The following PLPP1 variants were observed in gnomAD, a reference collection of about 807,000 sequenced individuals.
PLPP1 encodes the protein lipid phosphate phosphohydrolase 1a.
A neutral mutation model predicts 31.2 loss-of-function variants in PLPP1; 24 were observed. That is an observed-to-expected ratio of 0.77 (90% CI 0.56 to 1.08). The LOEUF (loss-of-function observed/expected upper bound fraction) is 1.08. Among genes scored for constraint, PLPP1 ranks in the 50% least tolerant of loss-of-function variants. The pLI is 0.00. For synonymous variants in PLPP1, 146 were observed against 126.3 expected (o/e 1.16, Z -1.05); for missense variants, 319 against 342.7 (o/e 0.93, Z 0.55).
chr5:55,469,562 G>T (rs1752377983), intron 2 of PLPP1, among the ~76,000 whole-genome samples: 1 of 151,166 alleles, frequency 6.6e-6, no homozygotes, highest in Non-Finnish European at 1.5e-5. Context: ...CAGTGGGTTT[G>T]CTAATCTGTG....
At chr5:55,429,250 C>G (rs1751285500) in intron 4 of PLPP1, among the ~76,000 whole-genome samples, 2 of 131,844 alleles carry the variant, frequency 1.5e-5, no homozygotes, top group African/African-American at 2.7e-5. Flanking sequence ...GGAGTGGTTT[C>G]AAGATGGCTG....
At chr5:55,484,245 C>T (rs1469027575) in intron 1 of PLPP1, among the ~76,000 whole-genome samples, 1 of 152,150 alleles carries the variant, frequency 6.6e-6, no homozygotes, top group East Asian at 1.9e-4. Context: ...TAACAAGAAT[C>T]TCCTACCTTT....
chr5:55,510,246 G>A (rs973588834), intron 1 of PLPP1, among the ~76,000 whole-genome samples: 2 of 152,188 alleles, frequency 1.3e-5, no homozygotes, highest in Admixed American at 1.3e-4. Context: ...AACGCATTAT[G>A]CTATGTGAAA....
chr5:55,524,808 C>A (rs936670631), intron 1 of PLPP1, among the ~76,000 whole-genome samples: 12 of 151,682 alleles, frequency 7.9e-5, no homozygotes, highest in Admixed American at 7.9e-4. Flanking sequence ...GAAACTACGT[C>A]CCCCCCCAAA....
At chr5:55,534,314 T>C (rs2292282) in intron 1 of PLPP1, among the ~76,000 whole-genome samples, 128,831 of 152,128 alleles carry the variant, frequency 0.85, 54,908 homozygotes, top group South Asian at 0.92. Context: ...AGGAGCAAGG[T>C]ATGGAGCGCA....
intron 1 of PLPP1, among the ~76,000 whole-genome samples, chr5:55,478,738 G>A (rs7706709): frequency 0.86 from 130,924 of 152,090 alleles, 56,760 homozygotes; most frequent in South Asian, 0.92. Context: ...TCAGAAAGAG[G>A]GGGCATACAG....
chr5:55,426,864 TC>T (rs1299471098), intron 4 of PLPP1, among the ~76,000 whole-genome samples: 14 of 152,184 alleles, frequency 9.2e-5, no homozygotes, highest in Non-Finnish European at 2.1e-4. Flanking sequence ...GACTAAATAA[TC>T]TGTATTTGCA....
chr5:55,512,492 GAAAGA>G (rs1182450936), intron 1 of PLPP1, among the ~76,000 whole-genome samples: 5 of 9,106 alleles, frequency 5.5e-4, no homozygotes, highest in African/African-American at 1.5e-3. Flanking sequence ...AAGAAAGAAA[GAAAGA>G]AAAGAAAAGA....
At chr5:55,487,051 C>T (rs556043377) in intron 1 of PLPP1, among the ~76,000 whole-genome samples, 1 of 152,060 alleles carries the variant, frequency 6.6e-6, no homozygotes, top group Non-Finnish European at 1.5e-5. Flanking sequence ...TTATTTTAGG[C>T]TAAGTATTTT....
At chr5:55,493,374 A>G (rs548800247) in intron 1 of PLPP1, among the ~76,000 whole-genome samples, 1 of 152,054 alleles carries the variant, frequency 6.6e-6, no homozygotes, top group South Asian at 2.1e-4. Flanking sequence ...ATTATTTGCT[A>G]TAGATTATCT....
chr5:55,432,098 C>CT (rs869025950), intron 4 of PLPP1, among the ~76,000 whole-genome samples: 535 of 7,060 alleles, frequency 0.076, 1 homozygote, highest in Middle Eastern at 0.33. Context: ...TCTTTTTCTT[C>CT]TTTTTTTTTT....
chr5:55,475,200 T>C (rs894829484), intron 2 of PLPP1, 99 bp downstream of exon 2: 6 of 1,081,586 alleles, frequency 5.5e-6, no homozygotes, highest in Non-Finnish European at 7.7e-6. Context: ...AAAGCATACA[T>C]TGTTTTTGGA....
chr5:55,448,073 C>T (rs1369552247), intron 3 of PLPP1, among the ~76,000 whole-genome samples: 2 of 152,130 alleles, frequency 1.3e-5, no homozygotes, highest in Admixed American at 1.3e-4. Context: ...ATGTCCTGTA[C>T]AAATGCTACA....
chr5:55,425,590 A>G (rs1751162722), intron 5 of PLPP1: 1 of 443,566 alleles, frequency 2.3e-6, no homozygotes. Context: ...CATGTGAATT[A>G]GTTTTTTCAA....
chr5:55,468,188 A>G, intron 2 of PLPP1, 39 bp from the exon 3 acceptor site: 1 of 1,494,006 alleles, frequency 6.7e-7, no homozygotes, highest in Non-Finnish European at 9.0e-7. Flanking sequence ...TAAAGTAGCA[A>G]GCAGGCACTT....
chr5:55,472,261 G>A (rs1390475539), intron 2 of PLPP1, among the ~76,000 whole-genome samples: 2 of 152,122 alleles, frequency 1.3e-5, no homozygotes, highest in Admixed American at 6.6e-5. Flanking sequence ...TAATTTGCTT[G>A]CCATTTTATT....
intron 4 of PLPP1, among the ~76,000 whole-genome samples, chr5:55,430,515 A>C (rs187658660): frequency 6.6e-6 from 1 of 152,222 alleles, no homozygotes; most frequent in Non-Finnish European, 1.5e-5. Flanking sequence ...CTGAGACTAC[A>C]CTATTGCATG....
At chr5:55,491,860 G>GAAAAAA (rs35303375) in intron 1 of PLPP1, among the ~76,000 whole-genome samples, 10 of 101,804 alleles carry the variant, frequency 9.8e-5, no homozygotes, top group Admixed American at 2.4e-4. Flanking sequence ...TCAATCTCAG[G>GAAAAAA]AAAAAAAAAA....
chr5:55,426,086 A>C, intron 4 of PLPP1, 47 bp from the exon 5 acceptor site: 1 of 1,472,584 alleles, frequency 6.8e-7, no homozygotes, highest in South Asian at 1.4e-5. Flanking sequence ...AACATAACGC[A>C]AAACTTTTAT....
Sources: allele counts gnomAD v4.1 joint callset (sites outside exome capture counted in the v4.1 genomes callset), GRCh38; gene constraint gnomAD v4.1.1; transcripts MANE v1.5; gene names NCBI Gene and HGNC (gene_info 2026-07-23, HGNC 2026-07-21).